FAM167A: variants seen among roughly 807,000 people sequenced by gnomAD.
FAM167A encodes protein FAM167A.
A neutral mutation model predicts 14.9 loss-of-function variants in FAM167A; 23 were observed. The observed-to-expected ratio is 1.55, with a 90% CI of 1.11 to 2.19. The LOEUF is 2.19. FAM167A is among the 30% of genes most tolerant of loss of function. The probability of loss-of-function intolerance (pLI) is 0.00; values close to 1 mark genes in which losing one functional copy is unlikely to be tolerated. For synonymous variants in FAM167A, 174 were observed against 117.7 expected (o/e 1.48, Z -3.10); for missense variants, 401 against 281.5 (o/e 1.42, Z -3.04).
chr8:11,433,214 T>A (rs916232141), intron 2 of FAM167A, among the ~76,000 whole-genome samples: 99 of 148,752 alleles, frequency 6.7e-4, no homozygotes, highest in African/African-American at 2.4e-3. Context: ...TAAAAAAAAA[T>A]AAAAAATAAA....
At chr8:11,434,927 G>A (rs940440479) in intron 2 of FAM167A, 20 of 415,454 alleles carry the variant, frequency 4.8e-5, no homozygotes, top group African/African-American at 3.6e-4. Flanking sequence ...GCTGCTGGCT[G>A]GGTGAGGACA....
chr8:11,461,856 G>A (rs983536491), intron 1 of FAM167A, among the ~76,000 whole-genome samples: 4 of 152,254 alleles, frequency 2.6e-5, no homozygotes, highest in African/African-American at 9.6e-5. Flanking sequence ...GCTTCGTAAG[G>A]CCTTTCACGG....
intron 2 of FAM167A, among the ~76,000 whole-genome samples, chr8:11,426,530 C>T (rs1805171972): frequency 6.6e-6 from 1 of 152,210 alleles, no homozygotes; most frequent in Non-Finnish European, 1.5e-5. Context: ...CCAAAAGTGT[C>T]TGAGACAGGT....
chr8:11,424,931 A>C (rs988090486), intron 2 of FAM167A, among the ~76,000 whole-genome samples: 1 of 152,122 alleles, frequency 6.6e-6, no homozygotes, highest in Non-Finnish European at 1.5e-5. Flanking sequence ...CATTGTTTAG[A>C]GTTTCATTTA....
chr8:11,453,652 T>C (rs1807115178), intron 1 of FAM167A, among the ~76,000 whole-genome samples: 1 of 152,014 alleles, frequency 6.6e-6, no homozygotes, highest in Admixed American at 6.5e-5. Context: ...GGTCAGAGGC[T>C]CTGTGACCCT....
At chr8:11,472,841 C>G (rs1318195171) in intron 1 of FAM167A, among the ~76,000 whole-genome samples, 2 of 152,202 alleles carry the variant, frequency 1.3e-5, no homozygotes, top group African/African-American at 4.8e-5. Flanking sequence ...CCCCTGATTC[C>G]ATGACACTCT....
At chr8:11,469,893 TA>T (rs1563397222), upstream of FAM167A, among the ~76,000 whole-genome samples, 55 of 140,478 alleles carry the variant, frequency 3.9e-4, no homozygotes, top group African/African-American at 1.2e-3. Context: ...AATAAATAAA[TA>T]AATAAATAAA....
chr8:11,438,086 A>G (rs1434869234), intron 2 of FAM167A: 3 of 454,692 alleles, frequency 6.6e-6, no homozygotes, highest in Admixed American at 4.7e-5. Context: ...CCTTGGCCTC[A>G]CCCCACCCCA....
intron 2 of FAM167A, among the ~76,000 whole-genome samples, chr8:11,440,347 G>A (rs1206671437): frequency 7.2e-5 from 11 of 152,226 alleles, no homozygotes; most frequent in Admixed American, 5.2e-4. Flanking sequence ...TTAGCCTGAA[G>A]GAAAATCTGA....
chr8:11,465,777 C>T (rs1807739411), intron 1 of FAM167A, among the ~76,000 whole-genome samples: 1 of 152,144 alleles, frequency 6.6e-6, no homozygotes, highest in South Asian at 2.1e-4. Context: ...AGGACGTGAT[C>T]TCATCTTCTG....
At chr8:11,446,729 G>C (rs756981662) in intron 1 of FAM167A, 1 of 152,226 alleles carries the variant, frequency 6.6e-6, no homozygotes, top group Admixed American at 6.5e-5. Flanking sequence ...CCGCAAATGC[G>C]AAATGTACTC....
At chr8:11,455,523 T>C (rs1312785330) in intron 1 of FAM167A, among the ~76,000 whole-genome samples, 119 of 132,954 alleles carry the variant, frequency 9.0e-4, no homozygotes, top group Non-Finnish European at 1.6e-3. Context: ...TGTGGGGTGG[T>C]TGCCCTGCTG....
chr8:11,424,377 CAGAG>C lies in FAM167A; in HGVS notation c.637_640del (p.Leu213AlafsTer155), dbSNP rs771433749. On this transcript the variant is annotated frameshift_variant, in exon 3 of 3. Transcript: ENST00000284486. LOFTEE classifies it high-confidence loss of function. ...TCCGCCCAGTCTGAGGGCTCCTCAG[CAGAG>C]AGAGAACCTCCGAGAGTTGATGTTC... The C allele has an allele frequency of 6.2e-7, 1 of 1,614,052 alleles. No individual in the cohort carries two copies. Among genetic ancestry groups the C allele is most frequent in the Non-Finnish European group, 8.5e-7 (1 of 1,179,994 alleles).
intron 1 of FAM167A, among the ~76,000 whole-genome samples, chr8:11,451,613 T>G (rs1321283641): frequency 6.6e-6 from 1 of 152,234 alleles, no homozygotes; most frequent in East Asian, 1.9e-4. Flanking sequence ...GAGGACCACG[T>G]GCTCCTCTTC....
intron 1 of FAM167A, among the ~76,000 whole-genome samples, chr8:11,456,875 G>C (rs1807337872): frequency 7.0e-6 from 1 of 143,048 alleles, no homozygotes. Context: ...GAAGTGAGTT[G>C]GGCCCTGGGT....
intron 1 of FAM167A, among the ~76,000 whole-genome samples, chr8:11,461,657 T>C (rs1356807172): frequency 6.6e-6 from 1 of 152,232 alleles, no homozygotes; most frequent in Non-Finnish European, 1.5e-5. Context: ...GAGTGGCTCC[T>C]AACCAGCTGG....
At chr8:11,469,979 G>C (rs1314265245), upstream of FAM167A, among the ~76,000 whole-genome samples, 1 of 152,116 alleles carries the variant, frequency 6.6e-6, no homozygotes, top group Non-Finnish European at 1.5e-5. Context: ...TTATTCATCT[G>C]TTCAATAAAT....
intron 2 of FAM167A, chr8:11,434,190 C>T (rs1805828151): frequency 6.6e-6 from 1 of 152,226 alleles, no homozygotes; most frequent in Admixed American, 6.5e-5. Context: ...TCCCAGAGGT[C>T]TCTATTCGGG....
upstream of FAM167A, among the ~76,000 whole-genome samples, chr8:11,470,349 G>T (rs576829038): frequency 6.6e-6 from 1 of 152,272 alleles, no homozygotes; most frequent in South Asian, 2.1e-4. Context: ...CAGTGCAGAG[G>T]CCCTGGGCCA....
Sources: gnomAD v4.1 joint callset for allele counts (sites outside exome capture counted in the v4.1 genomes callset) on GRCh38, gnomAD v4.1.1 for gene constraint, MANE v1.5 for transcripts, NCBI Gene and HGNC (gene_info 2026-07-23, HGNC 2026-07-21) for gene names.